ATM: variants seen among roughly 807,000 people sequenced by gnomAD.
ATM encodes ATM serine/threonine kinase, also known as serine-protein kinase ATM.
Under a neutral mutation model 387.0 loss-of-function variants are expected in ATM, and 308 were observed. That is an observed-to-expected ratio of 0.80 (90% CI 0.73 to 0.87). ATM has a LOEUF of 0.87. Among genes scored for constraint, ATM ranks in the 40% least tolerant of loss-of-function variants. The pLI is 0.00. For missense variants in ATM, 3,312 were observed against 3,560.9 expected (o/e 0.93, Z 1.78); for synonymous variants, 1,156 against 1,187.3 (o/e 0.97, Z 0.54).
At chr11:108,348,279 A>G (rs1459519890) in intron 59 of ATM, among the ~76,000 whole-genome samples, 1 of 151,912 alleles carries the variant, frequency 6.6e-6, no homozygotes, top group African/African-American at 2.4e-5. Flanking sequence ...TAAGGAATAT[A>G]TCAAGTTTTG....
At chr11:108,334,516 T>C (rs555997669) in intron 54 of ATM, among the ~76,000 whole-genome samples, 7 of 152,264 alleles carry the variant, frequency 4.6e-5, no homozygotes, top group Non-Finnish European at 8.8e-5. Flanking sequence ...GTTTAGAAAA[T>C]GATCATCTTA....
In ATM at chr11:108,251,015, T is replaced by G. The variant is rs777986229; in HGVS notation, c.1550T>G (p.Val517Gly). Residue 517 changes from valine to glycine, a missense_variant, in exon 10 of 63, where the codon GTT becomes GGT. This residue lies in a region of ATM where 1,791 missense variants were observed against 1,804.5 expected (regional missense o/e 0.99). Transcript: ENST00000675843. The stretch of plus-strand genomic sequence containing the variant: ...GGAGCCATAATTCAGGGTAGTTTAG[T>G]TGAGGTTGACAGAGAATTCTGGAAG... ...LLGAIIQGSL[V>G]EVDREFWKLF... 2 of 1,614,070 alleles carry G rather than the reference T, an allele frequency of 1.2e-6. No individual in the cohort carries two copies. Among genetic ancestry groups the G allele is most frequent in the African/African-American group, 2.7e-5 (2 of 74,922 alleles).
chr11:108,310,240 G>A lies in ATM; in HGVS notation c.5843G>A (p.Cys1948Tyr). ...YLEVAKVAQS[C>Y]AAHFTALLYA... is the part of the protein sequence containing the mutation. ...GAAGTTGCCAAGGTAGCTCAGTCTT[G>A]TGCTGCTCACTTTACAGCTTTACTC... The change falls in exon 39 of 63, where the codon TGT (cysteine) becomes TAT (tyrosine). Residue 1948 changes from cysteine to tyrosine, a missense_variant. Coordinates refer to ENST00000675843, the MANE Select transcript of ATM (RefSeq NM_000051.4). 6.2e-7 allele frequency: 1 copy of A among 1,613,500 alleles called. No individual in the cohort carries two copies.
At chr11:108,296,241 A>G (rs946284627) in intron 32 of ATM, among the ~76,000 whole-genome samples, 1 of 151,302 alleles carries the variant, frequency 6.6e-6, no homozygotes, top group Non-Finnish European at 1.5e-5. Flanking sequence ...TCCTATACCA[A>G]TTAATTTCAT....
In ATM at chr11:108,268,419, A is replaced by T. The variant is rs2081380347; in HGVS notation, c.2648A>T (p.Asn883Ile). The T allele has an allele frequency of 1.2e-6, 2 of 1,613,644 alleles. No individual in the cohort carries two copies. Among genetic ancestry groups the T allele is most frequent in the South Asian group, 2.2e-5 (2 of 91,066 alleles). The change falls in exon 18 of 63, where the codon AAT becomes ATT. Residue 883 changes from asparagine (N) to isoleucine (I), a missense_variant. Coordinates refer to ENST00000675843, the MANE Select transcript of ATM (RefSeq NM_000051.4). ...TGCTTTTTATTTTTAGGTGCCATTA[A>T]TCCTTTAGCTGAAGAATATCTGTCA... ...GESQSTIGAI[N>I]PLAEEYLSKQ... is the part of the protein sequence containing the mutation.
intron 25 of ATM, 106 bp from the exon 26 acceptor site, chr11:108,284,121 G>C (rs2082364738): frequency 1.2e-6 from 1 of 815,340 alleles, no homozygotes; most frequent in Non-Finnish European, 1.9e-6. Context: ...GATAAAGTAT[G>C]ATACTTTAAT....
At chr11:108,228,422 C>T (rs1009732433) in intron 3 of ATM, among the ~76,000 whole-genome samples, 5 of 152,050 alleles carry the variant, frequency 3.3e-5, no homozygotes, top group Non-Finnish European at 4.4e-5. Flanking sequence ...CATTTTCAAC[C>T]GTGAAATCCA....
At chr11:108,353,934 G>A (rs2089539188) in intron 60 of ATM, 54 bp downstream of exon 60, 2 of 1,502,888 alleles carry the variant, frequency 1.3e-6, no homozygotes, top group Non-Finnish European at 1.9e-6. Flanking sequence ...AAATTACATG[G>A]GCTGGGCATG....
At chr11:108,362,088 A>C (rs1464728571) in intron 61 of ATM, among the ~76,000 whole-genome samples, 1 of 137,158 alleles carries the variant, frequency 7.3e-6, no homozygotes, top group Non-Finnish European at 1.6e-5. Flanking sequence ...CAATGAACTC[A>C]AACAAATTTA....
chr11:108,235,988 A>C (rs765900626), intron 5 of ATM, 154 bp downstream of exon 5: 132 of 754,786 alleles, frequency 1.7e-4, no homozygotes, highest in Non-Finnish European at 2.7e-4. Context: ...CTGACCCTTA[A>C]TTTTTATTTA....
At chr11:108,304,591 C>T (rs753810958) in intron 36 of ATM, 84 bp from the exon 37 acceptor site, 16 of 1,301,814 alleles carry the variant, frequency 1.2e-5, no homozygotes, top group East Asian at 2.4e-5. Context: ...AATATGTCAA[C>T]GGGGCATGAA....
Position 108,227,595 on chromosome 11 carries a change from A to G in ATM, c.-30A>G. 6.3e-7 allele frequency: 1 copy of G among 1,596,762 alleles called. No homozygotes were observed. The highest frequency in any genetic ancestry group is 8.6e-7 in the Non-Finnish European group (1 of 1,164,522). ...ATACCTATATGTATTTTTTTTACAG[A>G]CAGTGATGTGTGTTCTGAAATTGTG... is the stretch of plus-strand genomic sequence containing the variant. On this transcript the variant is annotated splice_region_variant and 5_prime_UTR_variant, in exon 2 of 63. Transcript: ENST00000675843.
At chr11:108,276,680 A>G (rs1480730919) in intron 22 of ATM, among the ~76,000 whole-genome samples, 1 of 152,098 alleles carries the variant, frequency 6.6e-6, no homozygotes, top group African/African-American at 2.4e-5. Context: ...TTGCCTGGGT[A>G]TCATCCATGG....
chr11:108,284,386 T>C lies in ATM; in HGVS notation c.3906T>C (p.Gly1302=), dbSNP rs1565447594. 6.2e-7 allele frequency: 1 copy of C among 1,613,814 alleles called. No homozygotes were observed. Among genetic ancestry groups the C allele is most frequent in the South Asian group, 1.1e-5 (1 of 91,084 alleles). ...TTCTTCCTTATTTTGCCTATGAGGG[T>C]ACCAGAGACAGTGGGATGGCACAGC... is the stretch of plus-strand genomic sequence containing the variant. ...VNILPYFAYE[G]TRDSGMAQQR... The change falls in exon 26 of 63, where the codon GGT becomes GGC. Residue 1302 remains glycine, a synonymous_variant. Transcript: ENST00000675843.
intron 61 of ATM, 37 bp from the exon 62 acceptor site, chr11:108,365,045 A>T (rs2137863475): frequency 6.2e-7 from 1 of 1,605,324 alleles, no homozygotes; most frequent in Non-Finnish European, 8.5e-7. Flanking sequence ...ATTAAAATGT[A>T]CATTGTTCTT....
Position 108,345,658 on chromosome 11 carries a change from C to G in ATM, c.8419-85C>G, listed in dbSNP as rs974495901. The G allele has an allele frequency of 2.3e-5, 26 of 1,138,586 alleles. 1 individual carries two copies. The Middle Eastern group carries it at 1.5e-3, about 65-fold the overall frequency. 70.5% of individuals were successfully genotyped at this position (1,138,586 alleles called of 1,614,324 possible). Reference sequence around the variant, plus strand: ...CTGTTCATCTTTATTGCCCCTATATCTGTCATATTTTTATATAAAAATGTG... The same window carrying G: ...CTGTTCATCTTTATTGCCCCTATATGTGTCATATTTTTATATAAAAATGTG... On this transcript the variant is annotated intron_variant, in intron 57 of 62. Transcript: ENST00000675843.
At chr11:108,243,799 C>T (rs565084530) in intron 5 of ATM, among the ~76,000 whole-genome samples, 154 bp from the exon 6 acceptor site, 1 of 152,180 alleles carries the variant, frequency 6.6e-6, no homozygotes, top group South Asian at 2.1e-4. Context: ...AAATTAAATA[C>T]TGATGGAGTA....
intron 45 of ATM, among the ~76,000 whole-genome samples, chr11:108,323,992 G>C (rs1189867258): frequency 6.6e-6 from 1 of 152,084 alleles, no homozygotes; most frequent in Non-Finnish European, 1.5e-5. Flanking sequence ...GAAGTATACA[G>C]TTGAAATTCT....
intron 33 of ATM, among the ~76,000 whole-genome samples, chr11:108,299,147 C>T (rs965127641): frequency 1.3e-5 from 2 of 152,034 alleles, no homozygotes; most frequent in African/African-American, 4.8e-5. Context: ...ACGAAGAGCC[C>T]TCTGGGTTGC....
Sources: gnomAD v4.1 joint callset for allele counts (sites outside exome capture counted in the v4.1 genomes callset) on GRCh38, gnomAD v4.1.1 for gene constraint, gnomAD v4.1.1 regional missense constraint, MANE v1.5 for transcripts, NCBI Gene and HGNC (gene_info 2026-07-23, HGNC 2026-07-21) for gene names.